The following CYB5A variants were observed in gnomAD, a reference collection of about 807,000 sequenced individuals.
The protein encoded by CYB5A is cytochrome b5.
CYB5A carries 10 observed loss-of-function variants against 16.2 expected under a neutral mutation model. The ratio of observed to expected loss-of-function variants is 0.62; its 90% CI spans 0.38 to 1.04. The LOEUF is 1.04. Ranked by LOEUF, CYB5A falls within the 50% of genes least tolerant of loss-of-function variation. The probability of loss-of-function intolerance (pLI) is 0.01; values close to 1 mark genes in which losing one functional copy is unlikely to be tolerated. For synonymous variants in CYB5A, 62 were observed against 57.0 expected, an observed-to-expected ratio of 1.09 and a Z score of -0.40; for missense variants, 161 against 165.9, an observed-to-expected ratio of 0.97 and a Z score of 0.16.
At position 74,263,387 on chromosome 18, in the gene CYB5A, C is replaced by T. The variant is rs1445822588; in HGVS notation, c.220G>A (p.Glu74Lys). ...EDVGHSTDAR[E>K]MSKTFIIGEL... The stretch of plus-strand genomic sequence containing the variant: ...CCAATGATGAATGTTTTGGACATTT[C>T]CCTGGCATCTGTAGAGTGCCCGACA... Residue 74 changes from glutamate (E) to lysine (K), a missense_variant, in exon 2 of 5, where the codon GAA becomes AAA. Physicochemically the swap from Glu to Lys is moderately conservative, Grantham distance 56. Transcript: ENST00000340533. 1 of 1,614,108 alleles carries T rather than the reference C, an allele frequency of 6.2e-7. No individual in the cohort carries two copies. Among genetic ancestry groups the T allele is most frequent in the South Asian group, 1.1e-5 (1 of 91,084 alleles).
chr18:74,254,639 C>A (rs1004591120), intron 4 of CYB5A, among the ~76,000 whole-genome samples: 5 of 151,862 alleles, frequency 3.3e-5, no homozygotes, highest in African/African-American at 7.3e-5. Context: ...CCTGCCTCAG[C>A]CTCCCGAGTA....
Position 74,255,689 on chromosome 18 carries a change from G to A in CYB5A, c.323+52C>T, listed in dbSNP as rs1981948616. 12 of 1,507,264 alleles carry A rather than the reference G, an allele frequency of 8.0e-6. No individual in the cohort carries two copies. In the East Asian group the frequency reaches 2.0e-4, roughly 25 times the overall value. The allele number at this position is 1,507,264 out of a possible 1,614,324, so 93.4% of individuals were successfully genotyped here. Reference sequence around the variant, plus strand: ...TGGGGGACGCACCTTGTCCAACCTGGACCCATGAGCCCTCCCACCCACTAC... The same window carrying A: ...TGGGGGACGCACCTTGTCCAACCTGAACCCATGAGCCCTCCCACCCACTAC... On this transcript the variant is annotated intron_variant, in intron 4 of 4. Transcript: ENST00000340533.
At chr18:74,286,382 T>G (rs1983320538) in intron 1 of CYB5A, among the ~76,000 whole-genome samples, 2 of 152,274 alleles carry the variant, frequency 1.3e-5, no homozygotes, top group African/African-American at 4.8e-5. Context: ...TTGAGTCATT[T>G]TGTTTACTAG....
intron 3 of CYB5A, 159 bp from the exon 4 acceptor site, chr18:74,255,934 CCTAA>C (rs1981960975): frequency 1.6e-6 from 1 of 619,682 alleles, no homozygotes; most frequent in Non-Finnish European, 2.9e-6. Flanking sequence ...CACTAAAATG[CCTAA>C]CTTTGTTTTC....
chr18:74,279,098 C>T (rs1010512560), intron 1 of CYB5A, among the ~76,000 whole-genome samples: 1 of 152,188 alleles, frequency 6.6e-6, no homozygotes, highest in African/African-American at 2.4e-5. Flanking sequence ...TTACCTCCTG[C>T]TTTGTAACCC....
intron 3 of CYB5A, chr18:74,256,982 A>G: frequency 1.3e-6 from 1 of 760,932 alleles, no homozygotes; most frequent in Non-Finnish European, 2.2e-6. Context: ...GATTTTCCAA[A>G]TTGTGTATAT....
intron 1 of CYB5A, among the ~76,000 whole-genome samples, chr18:74,280,463 C>T (rs6566790): frequency 0.64 from 96,007 of 150,804 alleles, 31,121 homozygotes; most frequent in Middle Eastern, 0.75. Flanking sequence ...CTGTAGTCCT[C>T]GCTACTTGGG....
Position 74,253,541 on chromosome 18 carries a change from T to C in CYB5A, c.*43A>G, listed in dbSNP as rs201989057. The C allele has an allele frequency of 3.8e-6, 5 of 1,308,638 alleles. No individual in the cohort carries two copies. Among genetic ancestry groups the C allele is most frequent in the Non-Finnish European group, 5.5e-6 (5 of 904,660 alleles). 81.1% of individuals were successfully genotyped at this position (1,308,638 alleles called of 1,614,324 possible). ...GTTAGCAATGGCTTCTTTTCTCCCG[T>C]GTCCAAAGCAGGCTCTTCCTGCGCT... On this transcript the variant is annotated 3_prime_UTR_variant, in exon 5 of 5. Coordinates refer to ENST00000340533, the MANE Select transcript of CYB5A (RefSeq NM_148923.4).
At chr18:74,287,921 C>T (rs191908689) in intron 1 of CYB5A, among the ~76,000 whole-genome samples, 44 of 152,154 alleles carry the variant, frequency 2.9e-4, no homozygotes, top group African/African-American at 8.2e-4. Context: ...GTTTTCATTT[C>T]AAATAACTGT....
intron 1 of CYB5A, among the ~76,000 whole-genome samples, chr18:74,268,594 G>A (rs1162495498): frequency 6.6e-6 from 1 of 152,188 alleles, no homozygotes; most frequent in African/African-American, 2.4e-5. Flanking sequence ...GCAAGAGAGG[G>A]TGAGGGAAGG....
intron 3 of CYB5A, chr18:74,256,075 A>G (rs916475031): frequency 2.0e-4 from 67 of 338,568 alleles, no homozygotes; most frequent in African/African-American, 1.4e-3. Flanking sequence ...TAATGCAGAA[A>G]CTGAAAACAG....
At chr18:74,277,813 C>A (rs977951354) in intron 1 of CYB5A, among the ~76,000 whole-genome samples, 1 of 152,140 alleles carries the variant, frequency 6.6e-6, no homozygotes, top group Non-Finnish European at 1.5e-5. Context: ...CAGAACACAA[C>A]GGTGTCATGG....
At chr18:74,287,622 A>T (rs1330091739) in intron 1 of CYB5A, among the ~76,000 whole-genome samples, 1 of 152,216 alleles carries the variant, frequency 6.6e-6, no homozygotes, top group Non-Finnish European at 1.5e-5. Context: ...TCCCAGGAAC[A>T]CTAGAAAATG....
At chr18:74,270,537 C>G (rs1443537627) in intron 1 of CYB5A, among the ~76,000 whole-genome samples, 1 of 152,134 alleles carries the variant, frequency 6.6e-6, no homozygotes, top group Admixed American at 6.5e-5. Flanking sequence ...ATTGTCAGCT[C>G]TCATATCCAT....
At chr18:74,283,920 C>T (rs1469255214) in intron 1 of CYB5A, among the ~76,000 whole-genome samples, 2 of 152,122 alleles carry the variant, frequency 1.3e-5, no homozygotes, top group African/African-American at 4.8e-5. Context: ...ACCACTGACC[C>T]CATAGGGTTG....
At chr18:74,280,087 C>G (rs1187248922) in intron 1 of CYB5A, among the ~76,000 whole-genome samples, 3 of 152,088 alleles carry the variant, frequency 2.0e-5, no homozygotes, top group Non-Finnish European at 4.4e-5. Context: ...GGGTAATATC[C>G]AGGCTTAAAT....
At chr18:74,290,574 ATT>A (rs1304880852) in intron 1 of CYB5A, among the ~76,000 whole-genome samples, 1 of 152,058 alleles carries the variant, frequency 6.6e-6, no homozygotes, top group African/African-American at 2.4e-5. Context: ...AGGCCTTTTG[ATT>A]TTAACATTTT....
intron 1 of CYB5A, among the ~76,000 whole-genome samples, chr18:74,267,656 A>T (rs1411625557): frequency 6.6e-6 from 1 of 152,228 alleles, no homozygotes; most frequent in Non-Finnish European, 1.5e-5. Context: ...ATAACAGGTA[A>T]GTAAACTTAT....
intron 1 of CYB5A, among the ~76,000 whole-genome samples, chr18:74,278,750 T>C (rs1485906746): frequency 6.6e-6 from 1 of 152,224 alleles, no homozygotes; most frequent in Non-Finnish European, 1.5e-5. Context: ...CAGAATGCTG[T>C]TAGAATTTCC....
Sources: gnomAD v4.1 joint callset for allele counts (sites outside exome capture counted in the v4.1 genomes callset) on GRCh38, gnomAD v4.1.1 for gene constraint, MANE v1.5 for transcripts, NCBI Gene and HGNC (gene_info 2026-07-23, HGNC 2026-07-21) for gene names.